CACNA2D1: variants seen among roughly 807,000 people sequenced by gnomAD.
CACNA2D1 encodes the protein voltage-dependent calcium channel subunit alpha-2/delta-1.
A neutral mutation model predicts 171.5 loss-of-function variants in CACNA2D1; 53 were observed. That is an observed-to-expected ratio of 0.31 (90% CI 0.25 to 0.39). The LOEUF (loss-of-function observed/expected upper bound fraction) is 0.39, where lower values mean the gene tolerates loss of function less well. CACNA2D1 is among the 10% of genes least tolerant of loss of function. The pLI is 1.00. For synonymous variants in CACNA2D1, 442 were observed against 443.1 expected (o/e 1.00, Z 0.03); for missense variants, 903 against 1,299.8 (o/e 0.69, Z 4.69).
At chr7:82,361,189 C>T (rs1458905751) in intron 1 of CACNA2D1, among the ~76,000 whole-genome samples, 2 of 152,150 alleles carry the variant, frequency 1.3e-5, no homozygotes, top group Non-Finnish European at 2.9e-5. Flanking sequence ...AGTGAACATT[C>T]TAAACAGAAG....
intron 3 of CACNA2D1, among the ~76,000 whole-genome samples, chr7:82,332,290 G>A (rs2129443896): frequency 6.6e-6 from 1 of 152,118 alleles, no homozygotes; most frequent in East Asian, 1.9e-4. Flanking sequence ...TTGAACTCCT[G>A]ACCTCAGCTC....
chr7:82,255,202 G>A (rs896797511), intron 3 of CACNA2D1, among the ~76,000 whole-genome samples: 1 of 152,080 alleles, frequency 6.6e-6, no homozygotes. Context: ...TAGCTCAAAT[G>A]TCACCTCCCG....
intron 12 of CACNA2D1, 47 bp from the exon 13 acceptor site, chr7:82,014,526 A>G (rs1800188380): frequency 1.0e-6 from 1 of 981,116 alleles, no homozygotes; most frequent in Non-Finnish European, 1.7e-6. Flanking sequence ...ATAAAATTTA[A>G]TTCAATGGCA....
At chr7:82,427,817 A>C (rs1299969906) in intron 1 of CACNA2D1, among the ~76,000 whole-genome samples, 1 of 152,196 alleles carries the variant, frequency 6.6e-6, no homozygotes, top group Non-Finnish European at 1.5e-5. Flanking sequence ...CTAGTTATGA[A>C]CCATTTTGAG....
At chr7:82,327,134 A>G (rs1304787741) in intron 3 of CACNA2D1, among the ~76,000 whole-genome samples, 3 of 152,212 alleles carry the variant, frequency 2.0e-5, no homozygotes, top group Admixed American at 2.0e-4. Flanking sequence ...TCTCTAGACC[A>G]TCTTCCATAA....
chr7:82,146,829 T>C (rs1376031627), intron 4 of CACNA2D1, among the ~76,000 whole-genome samples: 1 of 150,274 alleles, frequency 6.7e-6, no homozygotes, highest in Non-Finnish European at 1.5e-5. Context: ...TTTACTAAAA[T>C]ACAAAAATTA....
intron 4 of CACNA2D1, among the ~76,000 whole-genome samples, chr7:82,149,785 AAC>A (rs1168822953): frequency 7.7e-4 from 111 of 144,932 alleles, no homozygotes; most frequent in Middle Eastern, 7.0e-3. Flanking sequence ...AAAAAAAACA[AAC>A]AAACAACAAA....
intron 3 of CACNA2D1, among the ~76,000 whole-genome samples, chr7:82,318,043 C>A (rs1441733876): frequency 6.6e-6 from 1 of 151,318 alleles, no homozygotes; most frequent in African/African-American, 2.4e-5. Flanking sequence ...ATATACTTAC[C>A]CTCCATTTCT....
At position 82,052,267 on chromosome 7, in the gene CACNA2D1, C is replaced by G. The variant is rs183888622; in HGVS notation, c.879+8161G>C. On this transcript the variant is annotated intron_variant, in intron 10 of 38. Transcript: ENST00000356860. ...TCCCTCCTTCCTCAGTGCCTTATTACTATGGATTCCTGAAGTTACAAAAGC... is the reference window on the plus strand; with the variant it reads ...TCCCTCCTTCCTCAGTGCCTTATTAGTATGGATTCCTGAAGTTACAAAAGC... Among the ~76,000 whole-genome samples the G allele has an allele frequency of 1.4e-4, 22 of 152,256 alleles. No individual in the cohort carries two copies. In the East Asian group the frequency reaches 4.3e-3, roughly 29 times the overall value.
chr7:82,051,880 C>A lies in CACNA2D1; in HGVS notation c.879+8548G>T, dbSNP rs532969615. Among the ~76,000 whole-genome samples, 151 of 152,310 alleles carry A rather than the reference C, an allele frequency of 9.9e-4. 1 individual carries two copies. The highest frequency in any genetic ancestry group is 3.4e-3 in the Middle Eastern group (1 of 294). On this transcript the variant is annotated intron_variant, in intron 10 of 38. Transcript: ENST00000356860. Reference sequence around the variant, plus strand: ...AACTGGATTAGTGGGAAAACAGCTACATTATGCTTGCATTTCAGCTTTGCT... The same window carrying A: ...AACTGGATTAGTGGGAAAACAGCTAAATTATGCTTGCATTTCAGCTTTGCT...
chr7:82,190,307 T>C (rs1798163292), intron 3 of CACNA2D1, among the ~76,000 whole-genome samples: 1 of 151,884 alleles, frequency 6.6e-6, no homozygotes, highest in South Asian at 2.1e-4. Context: ...TGAGCCAATG[T>C]TTAATTGCTT....
At chr7:82,092,239 T>C (rs1406986487) in intron 6 of CACNA2D1, among the ~76,000 whole-genome samples, 3 of 152,256 alleles carry the variant, frequency 2.0e-5, no homozygotes, top group Admixed American at 1.3e-4. Context: ...TCATAAGATA[T>C]TCTTCATTAG....
intron 7 of CACNA2D1, among the ~76,000 whole-genome samples, chr7:82,068,624 TTC>T (rs1156818657): frequency 6.6e-6 from 1 of 152,176 alleles, no homozygotes; most frequent in Non-Finnish European, 1.5e-5. Context: ...GCTGTATTTT[TTC>T]TCTCTTCTGA....
chr7:82,327,680 C>A (rs566707685), intron 3 of CACNA2D1, among the ~76,000 whole-genome samples: 3 of 152,138 alleles, frequency 2.0e-5, no homozygotes, highest in Admixed American at 6.5e-5. Flanking sequence ...AGTTTTTCCT[C>A]CTGATTTCAT....
intron 5 of CACNA2D1, among the ~76,000 whole-genome samples, chr7:82,123,528 C>A (rs972928438): frequency 6.6e-6 from 1 of 152,126 alleles, no homozygotes; most frequent in Non-Finnish European, 1.5e-5. Flanking sequence ...TCAAAACTGT[C>A]TCCAAAATTT....
chr7:82,149,794 C>A (rs76341896), intron 4 of CACNA2D1, among the ~76,000 whole-genome samples: 9,505 of 131,472 alleles, frequency 0.072, 579 homozygotes, highest in Middle Eastern at 0.15. Context: ...AAACAAACAA[C>A]AAAAAAAAAA....
chr7:82,291,319 T>C (rs1811537026), intron 3 of CACNA2D1, among the ~76,000 whole-genome samples: 1 of 140,522 alleles, frequency 7.1e-6, no homozygotes, highest in South Asian at 2.1e-4. Context: ...TAAATATACA[T>C]CTATTTAGAT....
chr7:82,008,256 G>T (rs531196008), intron 15 of CACNA2D1, among the ~76,000 whole-genome samples: 2 of 152,116 alleles, frequency 1.3e-5, no homozygotes, highest in Admixed American at 6.6e-5. Flanking sequence ...ATAAATAAAA[G>T]AAACATTCTA....
chr7:82,340,024 C>T (rs1402226402), intron 2 of CACNA2D1, among the ~76,000 whole-genome samples: 1 of 152,096 alleles, frequency 6.6e-6, no homozygotes, highest in Non-Finnish European at 1.5e-5. Flanking sequence ...GAAATCAGGC[C>T]AACACTGCTG....
Sources: allele counts gnomAD v4.1 joint callset (sites outside exome capture counted in the v4.1 genomes callset), GRCh38; gene constraint gnomAD v4.1.1; transcripts MANE v1.5; gene names NCBI Gene and HGNC (gene_info 2026-07-23, HGNC 2026-07-21).